Variants in KLRC1 observed in about 807,000 individuals in gnomAD.
KLRC1 encodes killer cell lectin like receptor C1, also known as NKG2-A/NKG2-B type II integral membrane protein.
KLRC1 carries 22 observed loss-of-function variants against 25.9 expected under a neutral mutation model. The ratio of observed to expected loss-of-function variants is 0.85; its 90% confidence interval spans 0.61 to 1.21. The LOEUF is 1.21. Among genes scored for constraint, KLRC1 ranks in the 50% most tolerant of loss-of-function variants. KLRC1 has a pLI of 0.00. For missense variants in KLRC1, 240 were observed against 272.2 expected (o/e 0.88, Z 0.83); for synonymous variants, 77 against 93.1 (o/e 0.83, Z 0.99).
At chr12:10,449,134 A>T in intron 5 of KLRC1, 103 bp downstream of exon 5, 2 of 1,431,608 alleles carry the variant, frequency 1.4e-6, no homozygotes, top group Non-Finnish European at 1.9e-6. Flanking sequence ...ACTTGAAAAC[A>T]TATAAGCTAA....
At chr12:10,454,339 G>A (rs1864174561), upstream of KLRC1, 1 of 152,260 alleles carries the variant, frequency 6.6e-6, no homozygotes, top group Admixed American at 6.5e-5. Flanking sequence ...TACCAACAGT[G>A]ATTCCATCTC....
chr12:10,450,087 G>T, intron 3 of KLRC1, 120 bp from the exon 4 acceptor site: 1 of 810,086 alleles, frequency 1.2e-6, no homozygotes, highest in Non-Finnish European at 1.7e-6. Context: ...GAATAAAATT[G>T]ATTTTAAGAA....
upstream of KLRC1, among the ~76,000 whole-genome samples, chr12:10,453,589 C>T (rs1234061792): frequency 2.0e-5 from 3 of 151,770 alleles, no homozygotes; most frequent in African/African-American, 7.3e-5. Flanking sequence ...GTCTTGATCA[C>T]GAACATTGTC....
At chr12:10,449,168 T>C (rs1481714963) in intron 5 of KLRC1, 69 bp downstream of exon 5, 7 of 1,593,426 alleles carry the variant, frequency 4.4e-6, no homozygotes, top group Non-Finnish European at 6.0e-6. Context: ...CACATATGGA[T>C]GATTTCTACA....
chr12:10,454,162 G>GTCCCCCACACATAT (rs1864171305), upstream of KLRC1, among the ~76,000 whole-genome samples: 1 of 152,190 alleles, frequency 6.6e-6, no homozygotes, highest in Non-Finnish European at 1.5e-5. Context: ...AGAATAGGTG[G>GTCCCCCACACATAT]TCCCCCACAC....
At chr12:10,453,018 A>T (rs1320076748) in intron 1 of KLRC1, among the ~76,000 whole-genome samples, 180 bp downstream of exon 1, 2 of 152,234 alleles carry the variant, frequency 1.3e-5, no homozygotes, top group Non-Finnish European at 2.9e-5. Flanking sequence ...AAACTTTAAG[A>T]AATCCTTCAA....
At chr12:10,443,198 A>T (rs1276504949), downstream of KLRC1, among the ~76,000 whole-genome samples, 2 of 141,666 alleles carry the variant, frequency 1.4e-5, no homozygotes, top group African/African-American at 5.4e-5. Flanking sequence ...GGGAGATGGA[A>T]ACACCATTTT....
intron 3 of KLRC1, chr12:10,450,249 A>T: frequency 2.1e-6 from 1 of 470,054 alleles, no homozygotes; most frequent in Non-Finnish European, 3.7e-6. Context: ...AGACTCCTAG[A>T]ACATATTTTT....
intron 3 of KLRC1, 75 bp from the exon 4 acceptor site, chr12:10,450,042 A>T: frequency 8.6e-7 from 1 of 1,161,002 alleles, no homozygotes; most frequent in Non-Finnish European, 1.2e-6. Context: ...TTTTTGTTTG[A>T]ATTTTTTTGT....
At chr12:10,443,668 C>A (rs1487257484), downstream of KLRC1, among the ~76,000 whole-genome samples, 9 of 141,450 alleles carry the variant, frequency 6.4e-5, 3 homozygotes, top group African/African-American at 1.1e-4. Context: ...CATATGCACA[C>A]ACTCACACAC....
intron 1 of KLRC1, among the ~76,000 whole-genome samples, chr12:10,451,770 C>T (rs959948613): frequency 2.6e-5 from 4 of 152,080 alleles, no homozygotes; most frequent in Admixed American, 2.6e-4. Context: ...TTCTTAAAGT[C>T]TGATGTTTTA....
At chr12:10,444,121 T>C (rs7957375), downstream of KLRC1, among the ~76,000 whole-genome samples, 104,933 of 135,428 alleles carry the variant, frequency 0.77, 45,129 homozygotes, top group East Asian at 0.96. Context: ...TTGTAAAAAC[T>C]GATTGCCCTC....
chr12:10,451,528 C>G (rs542807334), intron 1 of KLRC1, among the ~76,000 whole-genome samples: 1 of 151,948 alleles, frequency 6.6e-6, no homozygotes, highest in Non-Finnish European at 1.5e-5. Flanking sequence ...TGATGTCAGG[C>G]GCCTGTAGTC....
intron 6 of KLRC1, 139 bp downstream of exon 6, chr12:10,447,393 A>G: frequency 1.3e-6 from 1 of 768,430 alleles, no homozygotes. Flanking sequence ...GGTCTATTGT[A>G]AAATATTTAT....
chr12:10,446,924 T>G (rs1362441161), intron 6 of KLRC1, among the ~76,000 whole-genome samples: 1 of 152,180 alleles, frequency 6.6e-6, no homozygotes, highest in Non-Finnish European at 1.5e-5. Flanking sequence ...CTCTACACAT[T>G]CATAACTGTG....
chr12:10,448,442 T>A (rs1206057950), intron 5 of KLRC1, among the ~76,000 whole-genome samples: 1 of 152,148 alleles, frequency 6.6e-6, no homozygotes, highest in Non-Finnish European at 1.5e-5. Flanking sequence ...GCAAGGATGA[T>A]CTACCAGGAG....
At chr12:10,444,650 T>G (rs142155485), downstream of KLRC1, among the ~76,000 whole-genome samples, 2 of 152,206 alleles carry the variant, frequency 1.3e-5, no homozygotes. Flanking sequence ...CTACATGTTT[T>G]AAAGAAATTC....
intron 6 of KLRC1, 149 bp downstream of exon 6, chr12:10,447,383 G>A (rs1864011121): frequency 1.0e-5 from 7 of 681,926 alleles, no homozygotes; most frequent in African/African-American, 1.8e-5. Flanking sequence ...GGACTACTAT[G>A]GTCTATTGTA....
intron 3 of KLRC1, 24 bp downstream of exon 3, chr12:10,450,460 T>C (rs774246866): frequency 7.5e-7 from 1 of 1,341,406 alleles, no homozygotes; most frequent in South Asian, 1.2e-5. Flanking sequence ...AAATTCCCCT[T>C]GTAATCTTCG....
Sources: allele counts gnomAD v4.1 joint callset (sites outside exome capture counted in the v4.1 genomes callset), GRCh38; gene constraint gnomAD v4.1.1; transcripts MANE v1.5; gene names NCBI Gene and HGNC (gene_info 2026-07-23, HGNC 2026-07-21).